The following AFF2 variants were observed in gnomAD, a reference collection of about 807,000 sequenced individuals.
AFF2 encodes ALF transcription elongation factor 2, also known as AF4/FMR2 family member 2.
Under a neutral mutation model 76.9 loss-of-function variants are expected in AFF2, and 14 were observed. The observed-to-expected ratio is 0.18, with a 90% confidence interval of 0.12 to 0.28. The LOEUF (loss-of-function observed/expected upper bound fraction) is 0.28, where lower values mean the gene tolerates loss of function less well. AFF2 is among the 10% of genes least tolerant of loss of function. The pLI is 1.00. For missense variants in AFF2, 868 were observed against 1,001.1 expected, an observed-to-expected ratio of 0.87 and a Z score of 1.79; for synonymous variants, 398 against 366.7, an observed-to-expected ratio of 1.09 and a Z score of -0.98.
At chrX:148,536,078 G>A (rs989342775) in intron 1 of AFF2, among the ~76,000 whole-genome samples, 4 of 109,662 alleles carry the variant, frequency 3.6e-5, no homozygotes, top group African/African-American at 1.3e-4. Flanking sequence ...AATTAGCCGG[G>A]CATGGTGGTG....
At chrX:148,902,003 T>C (rs2071360298) in intron 8 of AFF2, among the ~76,000 whole-genome samples, 1 of 111,648 alleles carries the variant, frequency 9.0e-6, no homozygotes, top group African/African-American at 3.3e-5. Flanking sequence ...ACATTTTCAA[T>C]CAATAGCCAG....
intron 7 of AFF2, among the ~76,000 whole-genome samples, chrX:148,848,476 G>A (rs2070694652): frequency 1.8e-5 from 2 of 111,916 alleles, no homozygotes; most frequent in Non-Finnish European, 3.8e-5. Context: ...TGTTTCCTTC[G>A]AGATTTTGAT....
At chrX:148,554,044 T>C (rs1283023614) in intron 1 of AFF2, among the ~76,000 whole-genome samples, 2 of 112,130 alleles carry the variant, frequency 1.8e-5, no homozygotes, top group African/African-American at 6.5e-5. Flanking sequence ...AACTGTCAGA[T>C]GGCCAGCTCT....
intron 1 of AFF2, among the ~76,000 whole-genome samples, chrX:148,596,382 G>C (rs1404638950): frequency 8.9e-6 from 1 of 112,097 alleles, no homozygotes; most frequent in Non-Finnish European, 1.9e-5. Flanking sequence ...GTGCCCTGGT[G>C]TGACTGCCTA....
intron 9 of AFF2, among the ~76,000 whole-genome samples, chrX:148,909,768 G>A (rs1395792051): frequency 8.9e-6 from 1 of 111,843 alleles, no homozygotes; most frequent in Non-Finnish European, 1.9e-5. Flanking sequence ...AGCTTGATTA[G>A]TATGTTCAAA....
intron 3 of AFF2, among the ~76,000 whole-genome samples, chrX:148,762,026 A>T (rs1557267334): frequency 9.2e-6 from 1 of 108,178 alleles, no homozygotes; most frequent in Non-Finnish European, 1.9e-5. Context: ...TATATATTTT[A>T]GGAGAACTGT....
rs144840910 is a variant in AFF2, at chrX:148,749,716, A to G, written c.1042-60160A>G. Among the ~76,000 whole-genome samples, 1,033 of 110,734 alleles carry G rather than the reference A, an allele frequency of 9.3e-3. 7 individuals are homozygous for G. The highest frequency in any genetic ancestry group is 0.015 in the Non-Finnish European group (771 of 52,938). On this transcript the variant is annotated intron_variant, in intron 3 of 20. Transcript: ENST00000370460. ...GACCCTACGTGCTGCACCATAATGT[A>G]GCATGCTTCTCTCCGTCAAATCTTC...
chrX:148,800,672 A>T (rs1603303171), intron 3 of AFF2, among the ~76,000 whole-genome samples: 1 of 111,624 alleles, frequency 9.0e-6, no homozygotes, highest in East Asian at 2.8e-4. Flanking sequence ...TACCTGTGGC[A>T]ATGCCTTCAG....
intron 3 of AFF2, among the ~76,000 whole-genome samples, chrX:148,686,104 A>G (rs2124495871): frequency 9.0e-6 from 1 of 111,398 alleles, no homozygotes; most frequent in African/African-American, 3.2e-5. Context: ...TTAACAGTGG[A>G]AATTTTGAAG....
chrX:148,746,840 A>G (rs2055426182), intron 3 of AFF2, among the ~76,000 whole-genome samples: 2 of 112,184 alleles, frequency 1.8e-5, no homozygotes, highest in South Asian at 7.4e-4. Context: ...ACTGGTAGAG[A>G]CTAGTTGGGA....
At chrX:148,666,099 G>A (rs2054356501) in intron 3 of AFF2, among the ~76,000 whole-genome samples, 1 of 112,053 alleles carries the variant, frequency 8.9e-6, no homozygotes, top group Non-Finnish European at 1.9e-5. Context: ...GTGCAAGTGT[G>A]TGTGCCCATG....
intron 3 of AFF2, among the ~76,000 whole-genome samples, chrX:148,716,728 G>GACTTACT (rs1222630915): frequency 3.6e-5 from 4 of 111,510 alleles, no homozygotes; most frequent in East Asian, 5.7e-4. Flanking sequence ...TAGGAATAGT[G>GACTTACT]ACTTACTACT....
At chrX:148,882,110 A>G (rs1378129670) in intron 7 of AFF2, among the ~76,000 whole-genome samples, 1 of 111,257 alleles carries the variant, frequency 9.0e-6, no homozygotes. Context: ...TAAGCATTCC[A>G]CTATGTAAAT....
chrX:148,821,238 A>G (rs1356981563), intron 4 of AFF2, among the ~76,000 whole-genome samples: 1 of 111,407 alleles, frequency 9.0e-6, no homozygotes, highest in Non-Finnish European at 1.9e-5. Flanking sequence ...GGGACAATTA[A>G]ATGAGATGAT....
At chrX:148,589,296 T>A (rs1351850027) in intron 1 of AFF2, among the ~76,000 whole-genome samples, 1 of 111,503 alleles carries the variant, frequency 9.0e-6, no homozygotes, top group Non-Finnish European at 1.9e-5. Context: ...TGAGAACATC[T>A]CTTCATTAAT....
chrX:148,912,594 C>A (rs1419905673), intron 9 of AFF2, among the ~76,000 whole-genome samples: 1 of 112,052 alleles, frequency 8.9e-6, no homozygotes, highest in Non-Finnish European at 1.9e-5. Context: ...CAAACCTACA[C>A]ATGTACCCCT....
At position 148,534,586 on chromosome X, in the gene AFF2, T is replaced by G. The variant is rs368882665; in HGVS notation, c.47+33442T>G. ...CCCAATTCCCACAGCTGTGAAATCG[T>G]GAAAATAACACTATCCACCTCATAA... is the stretch of plus-strand genomic sequence containing the variant. On this transcript the variant is annotated intron_variant, in intron 1 of 20. Coordinates refer to ENST00000370460, the MANE Select transcript of AFF2 (RefSeq NM_002025.4). 3.6e-5 allele frequency among the ~76,000 whole-genome samples: 4 copies of G among 111,947 alleles called. No homozygotes were observed. The South Asian group carries it at 1.1e-3, about 31-fold the overall frequency.
intron 1 of AFF2, among the ~76,000 whole-genome samples, chrX:148,611,317 C>T (rs2053729878): frequency 1.8e-5 from 2 of 112,167 alleles, no homozygotes; most frequent in African/African-American, 3.2e-5. Context: ...TTAAACACTA[C>T]ATTCAGATAG....
In AFF2 at chrX:148,987,398, G is replaced by A. The variant is rs147166674; in HGVS notation, c.3655G>A (p.Val1219Ile). The change falls in exon 20 of 21, where the codon GTC becomes ATC. Residue 1219 changes from valine (V) to isoleucine (I), a missense_variant. By Grantham distance (29) the Val-to-Ile change is conservative. This residue lies in a region of AFF2 where 46 missense variants were observed against 40.8 expected (regional missense o/e 1.13). Coordinates refer to ENST00000370460, the MANE Select transcript of AFF2 (RefSeq NM_002025.4). ...TCCATCCCCAGTGTCTCTCAACAAC[G>A]TCTCCCCCATCAACGCAATGGGGAA... ...NTPSPVSLNN[V>I]SPINAMGNCN... The A allele has an allele frequency of 1.1e-5, 13 of 1,208,073 alleles. No homozygotes were observed. Among genetic ancestry groups the A allele is most frequent in the Middle Eastern group, 2.3e-4 (1 of 4,309 alleles).
Sources: gnomAD v4.1 joint callset for allele counts (sites outside exome capture counted in the v4.1 genomes callset) on GRCh38, gnomAD v4.1.1 for gene constraint, gnomAD v4.1.1 regional missense constraint, MANE v1.5 for transcripts, NCBI Gene and HGNC (gene_info 2026-07-23, HGNC 2026-07-21) for gene names.